NRG3: variants seen among roughly 807,000 people sequenced by gnomAD.
The protein encoded by NRG3 is pro-neuregulin-3, membrane-bound isoform.
In NRG3, 31 loss-of-function variants were observed where a neutral mutation model predicts 66.9. The observed-to-expected ratio is 0.46, with a 90% CI of 0.35 to 0.63. NRG3 has a LOEUF of 0.63. NRG3 is among the 20% of genes least tolerant of loss of function. NRG3 has a pLI of 0.00. For synonymous variants in NRG3, 393 were observed against 359.4 expected, an observed-to-expected ratio of 1.09 and a Z score of -1.06; for missense variants, 910 against 878.9, an observed-to-expected ratio of 1.04 and a Z score of -0.45.
chr10:82,253,520 C>T (rs1264205259), intron 1 of NRG3, among the ~76,000 whole-genome samples: 1 of 152,152 alleles, frequency 6.6e-6, no homozygotes, highest in African/African-American at 2.4e-5. Flanking sequence ...TTTTATGCTA[C>T]CTTATAAATA....
At chr10:82,345,475 T>C (rs886878331) in intron 1 of NRG3, among the ~76,000 whole-genome samples, 3 of 151,874 alleles carry the variant, frequency 2.0e-5, no homozygotes, top group Admixed American at 6.6e-5. Context: ...AGCCTTGTAG[T>C]ATAGTTTGAA....
chr10:82,059,785 C>G (rs2064038325), intron 1 of NRG3, among the ~76,000 whole-genome samples: 2 of 152,148 alleles, frequency 1.3e-5, no homozygotes, highest in Non-Finnish European at 1.5e-5. Context: ...GTCCCCTCCC[C>G]TGGGAGACCC....
chr10:81,887,736 G>A (rs1165388833), intron 1 of NRG3, among the ~76,000 whole-genome samples: 1 of 152,124 alleles, frequency 6.6e-6, no homozygotes, highest in Non-Finnish European at 1.5e-5. Context: ...CAAATGCAAT[G>A]TTGGTCCAAA....
intron 1 of NRG3, among the ~76,000 whole-genome samples, chr10:81,952,730 A>C (rs912732262): frequency 5.3e-5 from 8 of 152,002 alleles, no homozygotes; most frequent in African/African-American, 1.9e-4. Context: ...CAGCCTCCTG[A>C]GTACTTGGGA....
intron 1 of NRG3, among the ~76,000 whole-genome samples, chr10:82,236,954 G>A (rs567570320): frequency 3.5e-4 from 53 of 151,952 alleles, no homozygotes; most frequent in African/African-American, 1.2e-3. Flanking sequence ...TGACCTTGTG[G>A]TCCGCCCACC....
chr10:82,541,781 T>C (rs1376408641), intron 2 of NRG3, among the ~76,000 whole-genome samples: 2 of 152,168 alleles, frequency 1.3e-5, no homozygotes, highest in African/African-American at 4.8e-5. Flanking sequence ...TTAATCTATA[T>C]TGCCTCGCTC....
chr10:82,747,352 G>A (rs1350688505), intron 3 of NRG3, among the ~76,000 whole-genome samples: 5 of 151,942 alleles, frequency 3.3e-5, no homozygotes, highest in African/African-American at 7.3e-5. Context: ...ACCATTATGC[G>A]TAAGTCTCTG....
intron 2 of NRG3, among the ~76,000 whole-genome samples, chr10:82,662,495 G>A (rs1184812655): frequency 6.6e-6 from 1 of 152,164 alleles, no homozygotes; most frequent in African/African-American, 2.4e-5. Flanking sequence ...CAAGGTATTT[G>A]TCTCAAAACC....
chr10:82,213,369 C>T (rs1359180635), intron 1 of NRG3, among the ~76,000 whole-genome samples: 1 of 152,140 alleles, frequency 6.6e-6, no homozygotes, highest in East Asian at 1.9e-4. Flanking sequence ...ATAGTCAAAA[C>T]ACAGTCAAAA....
intron 6 of NRG3, among the ~76,000 whole-genome samples, chr10:82,961,702 C>T (rs183089546): frequency 1.3e-5 from 2 of 152,288 alleles, no homozygotes; most frequent in Admixed American, 1.3e-4. Context: ...CCTCCCTCAA[C>T]AGAAGATTAT....
At chr10:81,949,105 G>C (rs1849103558) in intron 1 of NRG3, among the ~76,000 whole-genome samples, 2 of 152,042 alleles carry the variant, frequency 1.3e-5, no homozygotes, top group Admixed American at 1.3e-4. Context: ...TTTTACTGGG[G>C]CTCCATCACA....
At chr10:82,455,386 A>G (rs2091221349) in intron 2 of NRG3, among the ~76,000 whole-genome samples, 1 of 152,164 alleles carries the variant, frequency 6.6e-6, no homozygotes, top group African/African-American at 2.4e-5. Flanking sequence ...ATTGTGACAC[A>G]ATGGTAAGTA....
At chr10:82,353,159 T>TC (rs2083540939) in intron 1 of NRG3, among the ~76,000 whole-genome samples, 1 of 152,186 alleles carries the variant, frequency 6.6e-6, no homozygotes, top group Non-Finnish European at 1.5e-5. Flanking sequence ...AAAGTGCAAG[T>TC]TTCTTGAGGA....
chr10:82,709,531 G>A (rs1359750719), intron 2 of NRG3, among the ~76,000 whole-genome samples: 2 of 151,950 alleles, frequency 1.3e-5, no homozygotes, highest in African/African-American at 4.8e-5. Context: ...ACAAGTGTGC[G>A]CCACCATCCC....
chr10:82,674,734 A>T (rs531411195), intron 2 of NRG3, among the ~76,000 whole-genome samples: 2 of 152,112 alleles, frequency 1.3e-5, no homozygotes, highest in East Asian at 3.9e-4. Flanking sequence ...GATCTCTCAG[A>T]TGAAGTCCCG....
intron 2 of NRG3, among the ~76,000 whole-genome samples, chr10:82,635,243 T>G (rs1444461472): frequency 6.6e-6 from 1 of 152,118 alleles, no homozygotes. Flanking sequence ...ATGATTTCTA[T>G]TCTATCTCAT....
intron 4 of NRG3, among the ~76,000 whole-genome samples, chr10:82,903,316 C>G (rs1033195270): frequency 3.9e-5 from 6 of 152,192 alleles, no homozygotes; most frequent in East Asian, 1.9e-4. Context: ...CATTTTGCCT[C>G]TCCAGTAAAT....
At chr10:82,011,323 C>T (rs578032131) in intron 1 of NRG3, among the ~76,000 whole-genome samples, 2 of 152,206 alleles carry the variant, frequency 1.3e-5, no homozygotes, top group East Asian at 3.9e-4. Context: ...AGTATGAGGA[C>T]ACCCACGCAG....
In NRG3 at chr10:82,234,324, C is replaced by G. The variant is rs57924931; in HGVS notation, c.824-124415C>G. Among the ~76,000 whole-genome samples the G allele has an allele frequency of 5.1e-3, 782 of 152,298 alleles. 9 individuals are homozygous for G. The highest frequency in any genetic ancestry group is 0.018 in the African/African-American group (757 of 41,564). ...AAAGATCTCCATAGAAACACTGTCT[C>G]TGTCTACTCTGTCTAAATTATTCCC... is the stretch of plus-strand genomic sequence containing the variant. On this transcript the variant is annotated intron_variant, in intron 1 of 8. Transcript: ENST00000372141.
Sources: gnomAD v4.1 joint callset for allele counts (sites outside exome capture counted in the v4.1 genomes callset) on GRCh38, gnomAD v4.1.1 for gene constraint, MANE v1.5 for transcripts, NCBI Gene and HGNC (gene_info 2026-07-23, HGNC 2026-07-21) for gene names.